CLUH: variants seen among roughly 807,000 people sequenced by gnomAD.
CLUH encodes clustered mitochondria protein homolog.
CLUH carries 77 observed loss-of-function variants against 139.3 expected under a neutral mutation model. The observed-to-expected ratio is 0.55, with a 90% CI of 0.46 to 0.67. The LOEUF (loss-of-function observed/expected upper bound fraction) is 0.67, where lower values mean the gene tolerates loss of function less well. CLUH is among the 30% of genes least tolerant of loss of function. The pLI is 0.00. For synonymous variants in CLUH, 999 were observed against 801.6 expected (o/e 1.25, Z -4.16); for missense variants, 1,876 against 1,875.8 (o/e 1.00, Z 0.00).
Position 2,707,858 on chromosome 17 carries a change from C to T in CLUH, c.101-3294G>A. On this transcript the variant is annotated intron_variant, in intron 1 of 25. Transcript: ENST00000651024. This position sits in a 1 kb window ranked among gnomAD's most constrained non-coding sequence, Gnocchi z 7.4. ...CCCTGCAGGTGACCTGGCTGCCAGC[C>T]CCTTCCTGGGAGTCACTGGTTCTGG... 1.0e-6 allele frequency: 1 copy of T among 985,474 alleles called. No individual in the cohort carries two copies. Among genetic ancestry groups the T allele is most frequent in the Non-Finnish European group, 1.2e-6 (1 of 829,942 alleles). 61.0% of individuals were successfully genotyped at this position (985,474 alleles called of 1,614,324 possible). A position where few individuals can be genotyped will look rare whatever the true frequency, so the allele number is the denominator to read the frequency against.
At chr17:2,700,261 C>A in intron 9 of CLUH, 121 bp downstream of exon 9, 1 of 875,284 alleles carries the variant, frequency 1.1e-6, no homozygotes, top group Non-Finnish European at 1.7e-6. Context: ...GACTGGCCTT[C>A]GGGGAACCTG....
At chr17:2,692,991 TGCAGCAGGGGGGAGGGGGATCA>T in intron 19 of CLUH, 131 bp from the exon 20 acceptor site, 1 of 805,812 alleles carries the variant, frequency 1.2e-6, no homozygotes, top group Non-Finnish European at 1.8e-6. Context: ...CCCAGCACAG[TGCAGCAGGGGGGAGGGGGATCA>T]GCAGCAGCTG....
Position 2,691,951 on chromosome 17 carries a change from G to GCCCCGCCCCGC in CLUH, c.3654+52_3654+53insGCGGGGCGGGG, listed in dbSNP as rs1555529431. 9.5e-5 allele frequency: 104 copies of GCCCCGCCCCGC among 1,098,834 alleles called. No individual in the cohort carries two copies. The African/African-American group carries it at 2.2e-3, about 23-fold the overall frequency. The allele number at this position is 1,098,834 out of a possible 1,614,324, so 68.1% of individuals were successfully genotyped here. On this transcript the variant is annotated intron_variant, in intron 23 of 25. Coordinates refer to ENST00000651024, the MANE Select transcript of CLUH (RefSeq NM_001366661.1). The stretch of plus-strand genomic sequence containing the variant: ...CCCGTGCCCCCGCGGCCCCGCCCCC[G>GCCCCGCCCCGC]CCCCGCCACGCCCCCGCCCCGCCCC...
At chr17:2,694,602 C>G (rs768080928) in intron 16 of CLUH, 38 bp from the exon 17 acceptor site, 3 of 1,523,268 alleles carry the variant, frequency 2.0e-6, no homozygotes, top group African/African-American at 2.8e-5. Context: ...GCCCAAGCAC[C>G]GCCGGGCCCC....
Position 2,691,822 on chromosome 17 carries a change from A to T in CLUH, c.3728T>A (p.Leu1243Gln). 1 of 1,572,588 alleles carries T rather than the reference A, an allele frequency of 6.4e-7. No individual in the cohort carries two copies. Among genetic ancestry groups the T allele is most frequent in the Non-Finnish European group, 8.6e-7 (1 of 1,160,082 alleles). ...LKCLTQQAVA[L>Q]QRTMNEIYRN... ...GTAGATCTCGTTCATGGTGCGCTGC[A>T]GGGCCACGGCCTGCTGGGTCAGGCA... is the stretch of plus-strand genomic sequence containing the variant. The change falls in exon 24 of 26, where the codon CTG becomes CAG. Residue 1243 changes from leucine to glutamine, a missense_variant. Transcript: ENST00000651024.
intron 8 of CLUH, 86 bp downstream of exon 8, chr17:2,700,592 T>C (rs2070143634): frequency 6.5e-7 from 1 of 1,533,324 alleles, no homozygotes; most frequent in African/African-American, 1.4e-5. Flanking sequence ...AAGTCAAGCA[T>C]GGGGCCTCCA....
intron 25 of CLUH, among the ~76,000 whole-genome samples, chr17:2,691,402 A>C (rs1450526087): frequency 6.6e-6 from 1 of 152,080 alleles, no homozygotes; most frequent in Non-Finnish European, 1.5e-5. Flanking sequence ...TCTCTACTAC[A>C]AACACAAAAA....
In CLUH at chr17:2,694,170, G is replaced by A. The variant is rs1171501346; in HGVS notation, c.3044C>T (p.Ser1015Leu). Residue 1015 changes from serine to leucine, a missense_variant, in exon 18 of 26, where the codon TCG becomes TTG. Around this residue, in one of 3 missense-constraint regions of CLUH, gnomAD observed 1,454 missense variants for 1,384.4 expected, o/e 1.05. Transcript: ENST00000651024. ...PVVKHVNPKASDAFHFFQSGQ... is the reference protein window; with the variant it reads ...PVVKHVNPKALDAFHFFQSGQ... The stretch of plus-strand genomic sequence containing the variant: ...GCTCTGGAAGAAATGGAAGGCATCC[G>A]AGGCCTTGGGGTTGACGTGCTTGAC... 2.3e-5 allele frequency: 37 copies of A among 1,613,186 alleles called. No individual in the cohort carries two copies. In the Admixed American group the frequency reaches 3.7e-4, roughly 16 times the overall value.
intron 10 of CLUH, 139 bp downstream of exon 10, chr17:2,697,757 C>A: frequency 1.2e-6 from 1 of 845,246 alleles, no homozygotes; most frequent in Non-Finnish European, 1.7e-6. Flanking sequence ...GGGGACGGGT[C>A]TCCAATGACT....
At position 2,703,543 on chromosome 17, in the gene CLUH, A is replaced by T; in HGVS notation, c.304-54T>A. The T allele has an allele frequency of 1.3e-6, 2 of 1,581,036 alleles. No homozygotes were observed. The highest frequency in any genetic ancestry group is 1.7e-6 in the Non-Finnish European group (2 of 1,159,130). ...GTGAGAGAGCACGTAGCGGGGAGAG[A>T]AGGCCCCAACCGCCCCGGTGAGAGG... is the stretch of plus-strand genomic sequence containing the variant. On this transcript the variant is annotated intron_variant, in intron 2 of 25. Transcript: ENST00000651024. The surrounding 1 kb of genome is among the most constrained non-coding windows in gnomAD (Gnocchi z 4.2).
chr17:2,703,330 G>A lies in CLUH; in HGVS notation c.463C>T (p.Arg155Cys). The part of the protein sequence containing the change: ...VEGLQEGSVL[R>C]VVEEPYTVRE... ...CTTCCAGACCAACCTTCCACCACAC[G>A]CAGCACAGAGCCCTCCTGCAGCCCC... Residue 155 changes from arginine to cysteine, a missense_variant, in exon 3 of 26, where the codon CGT (arginine) becomes TGT (cysteine). This residue lies in a region of CLUH where 270 missense variants were observed against 354.7 expected (regional missense o/e 0.76). Coordinates refer to ENST00000651024, the MANE Select transcript of CLUH (RefSeq NM_001366661.1). The surrounding 1 kb of genome is among the most constrained non-coding windows in gnomAD (Gnocchi z 4.2). 2 of 1,611,216 alleles carry A rather than the reference G, an allele frequency of 1.2e-6. No homozygotes were observed. The highest frequency in any genetic ancestry group is 1.1e-5 in the South Asian group (1 of 90,498).
rs780240325 is a variant in CLUH, at chr17:2,694,270, G to A, written c.2944C>T (p.Leu982=). The A allele has an allele frequency of 6.2e-5, 98 of 1,588,212 alleles. No individual in the cohort carries two copies. Among genetic ancestry groups the A allele is most frequent in the Non-Finnish European group, 8.2e-5 (95 of 1,165,444 alleles). The change falls in exon 18 of 26, where the codon CTG becomes TTG. Residue 982 remains leucine, a synonymous_variant. Transcript: ENST00000651024. ...CGACTGTCGAAGCTGTACTCCTTCA[G>A]CAGGACCTGGGGGGCAGCCCCCCCA... ...ISLKTGIQVL[L]KEYSFDSRHK...
In CLUH at chr17:2,700,757, G is replaced by A. The variant is rs759122325; in HGVS notation, c.1094C>T (p.Ala365Val). 1.6e-5 allele frequency: 24 copies of A among 1,546,144 alleles called. No homozygotes were observed. Among genetic ancestry groups the A allele is most frequent in the Admixed American group, 2.1e-5 (1 of 47,792 alleles). ...FQVYSWTAPQ[A>V]EHAMDCVRAE... ...ACGCACGCAATCCATGGCATGCTCC[G>A]CCTGGGGGGCTGTCCAGCTGTACAC... The change falls in exon 8 of 26, where the codon GCG becomes GTG. Residue 365 changes from alanine (A) to valine (V), a missense_variant. Ala to Val is a moderately conservative substitution (Grantham distance 64). This residue lies in a region of CLUH where 1,454 missense variants were observed against 1,384.4 expected (regional missense o/e 1.05). Coordinates refer to ENST00000651024, the MANE Select transcript of CLUH (RefSeq NM_001366661.1).
In CLUH at chr17:2,703,969, C is replaced by T. The variant is rs940734496; in HGVS notation, c.303+393G>A. ...GAGTCACCGGCTTGCAAGACCTCCA[C>T]GCTGGCTCTGCCCTTGGAGATAACC... is the stretch of plus-strand genomic sequence containing the variant. On this transcript the variant is annotated intron_variant, in intron 2 of 25. Transcript: ENST00000651024. This position sits in a 1 kb window ranked among gnomAD's most constrained non-coding sequence, Gnocchi z 4.2. 2.5e-4 allele frequency among the ~76,000 whole-genome samples: 38 copies of T among 152,210 alleles called. No homozygotes were observed. Among genetic ancestry groups the T allele is most frequent in the African/African-American group, 8.7e-4 (36 of 41,440 alleles).
intron 25 of CLUH, 25 bp from the exon 26 acceptor site, chr17:2,690,802 G>A (rs1305795656): frequency 3.4e-6 from 5 of 1,464,468 alleles, no homozygotes; most frequent in African/African-American, 2.9e-5. Context: ...GGGGATGGAG[G>A]TGGCTCTCAG....
chr17:2,700,248 G>T, intron 9 of CLUH, 134 bp downstream of exon 9: 1 of 747,810 alleles, frequency 1.3e-6, no homozygotes, highest in Non-Finnish European at 2.2e-6. Context: ...TGCGGGAGAC[G>T]CTGACTGGCC....
chr17:2,696,070 C>T, intron 13 of CLUH, 89 bp downstream of exon 13: 4 of 1,072,090 alleles, frequency 3.7e-6, no homozygotes, highest in Non-Finnish European at 5.5e-6. Context: ...CTCCTGCGAG[C>T]CTGTGTTCAT....
intron 3 of CLUH, among the ~76,000 whole-genome samples, 198 bp from the exon 4 acceptor site, chr17:2,702,255 T>C (rs1389405637): frequency 6.6e-6 from 1 of 152,220 alleles, no homozygotes; most frequent in East Asian, 1.9e-4. Context: ...ACACACACTC[T>C]GCCTACTGGT....
rs2151724872 is a variant in CLUH, at chr17:2,707,516, A to G, written c.101-2952T>C. The G allele has an allele frequency of 1.0e-6, 1 of 985,278 alleles. No homozygotes were observed. The highest frequency in any genetic ancestry group is 4.7e-5 in the South Asian group (1 of 21,286). The allele number at this position is 985,278 out of a possible 1,614,324, so 61.0% of individuals were successfully genotyped here. A position where few individuals can be genotyped will look rare whatever the true frequency, so the allele number is the denominator to read the frequency against. ...TATCAGCACTCAGGCCCACCTCCCT[A>G]TGCCCCCTAGAGAGGGGGTCACTGC... On this transcript the variant is annotated intron_variant, in intron 1 of 25. Transcript: ENST00000651024. This position sits in a 1 kb window ranked among gnomAD's most constrained non-coding sequence, Gnocchi z 7.4.
Sources: allele counts gnomAD v4.1 joint callset (sites outside exome capture counted in the v4.1 genomes callset), GRCh38; gene constraint gnomAD v4.1.1; regional missense constraint gnomAD v4.1.1; non-coding constraint Gnocchi (gnomAD v3.1); transcripts MANE v1.5; gene names NCBI Gene and HGNC (gene_info 2026-07-23, HGNC 2026-07-21).